PHACTR1: variants seen among roughly 807,000 people sequenced by gnomAD.
PHACTR1 encodes RPEL repeat containing 1.
In PHACTR1, 16 loss-of-function variants were observed where a neutral mutation model predicts 69.2. The ratio of observed to expected loss-of-function variants is 0.23; its 90% CI spans 0.16 to 0.35. PHACTR1 has a LOEUF of 0.35. Among genes scored for constraint, PHACTR1 ranks in the 10% least tolerant of loss-of-function variants. The pLI is 1.00. For synonymous variants in PHACTR1, 312 were observed against 284.5 expected (o/e 1.10, Z -0.97); for missense variants, 510 against 734.7 (o/e 0.69, Z 3.54).
At chr6:12,734,000 A>G (rs952484062) in intron 3 of PHACTR1, among the ~76,000 whole-genome samples, 5 of 152,234 alleles carry the variant, frequency 3.3e-5, no homozygotes, top group African/African-American at 1.2e-4. Flanking sequence ...ACTCAGTTCA[A>G]CATACAAAGC....
intron 7 of PHACTR1, among the ~76,000 whole-genome samples, chr6:13,185,973 C>T (rs973839146): frequency 2.6e-5 from 4 of 152,074 alleles, no homozygotes; most frequent in South Asian, 2.1e-4. Context: ...TTCTCAACTC[C>T]GAGTTCAGCT....
intron 5 of PHACTR1, among the ~76,000 whole-genome samples, chr6:13,111,777 G>A (rs964289891): frequency 1.3e-5 from 2 of 151,970 alleles, no homozygotes; most frequent in Admixed American, 1.3e-4. Context: ...TTCTTGCATG[G>A]TTTTTTTCTT....
At chr6:13,152,526 C>G (rs2113463091) in intron 5 of PHACTR1, among the ~76,000 whole-genome samples, 1 of 152,278 alleles carries the variant, frequency 6.6e-6, no homozygotes, top group Admixed American at 6.5e-5. Context: ...ACTACTGTCA[C>G]TGTTAGTAGA....
intron 11 of PHACTR1, among the ~76,000 whole-genome samples, chr6:13,277,279 G>T (rs1252903928): frequency 6.6e-6 from 1 of 151,642 alleles, no homozygotes; most frequent in Non-Finnish European, 1.5e-5. Context: ...ATATATTAAG[G>T]CAAGAGCTTT....
At chr6:12,762,963 C>T (rs192512183) in intron 4 of PHACTR1, among the ~76,000 whole-genome samples, 1 of 152,240 alleles carries the variant, frequency 6.6e-6, no homozygotes, top group African/African-American at 2.4e-5. Context: ...CCTGGAATCC[C>T]AGCACTTTGG....
At chr6:13,056,013 A>G (rs565051479) in intron 5 of PHACTR1, among the ~76,000 whole-genome samples, 1 of 152,304 alleles carries the variant, frequency 6.6e-6, no homozygotes, top group Non-Finnish European at 1.5e-5. Context: ...TTTCTTAGAG[A>G]CATTCCACTC....
intron 11 of PHACTR1, 81 bp downstream of exon 11, chr6:13,272,996 A>G: frequency 6.4e-7 from 1 of 1,566,688 alleles, no homozygotes; most frequent in Non-Finnish European, 8.7e-7. Context: ...CAAGGTTTCT[A>G]CCTTGCGCCT....
intron 13 of PHACTR1, among the ~76,000 whole-genome samples, chr6:13,284,539 A>AT (rs1781100943): frequency 3.9e-5 from 3 of 76,666 alleles, no homozygotes; most frequent in African/African-American, 2.1e-4. Flanking sequence ...AAAAAAAAAA[A>AT]AAAAATATAT....
intron 5 of PHACTR1, among the ~76,000 whole-genome samples, chr6:13,084,727 AGAAGAGGGGGTGGCGT>A (rs1397724915): frequency 6.6e-6 from 1 of 152,070 alleles, no homozygotes; most frequent in Non-Finnish European, 1.5e-5. Flanking sequence ...ACAATGTATA[AGAAGAGGGGGTGGCGT>A]GAATAATGAC....
At chr6:12,986,897 C>A (rs1362663066) in intron 4 of PHACTR1, among the ~76,000 whole-genome samples, 3 of 152,152 alleles carry the variant, frequency 2.0e-5, no homozygotes, top group Admixed American at 2.0e-4. Flanking sequence ...CTATGGTTTG[C>A]TAAGAAATGC....
At chr6:12,950,836 C>T (rs1023680672) in intron 4 of PHACTR1, among the ~76,000 whole-genome samples, 26 of 152,186 alleles carry the variant, frequency 1.7e-4, no homozygotes, top group African/African-American at 6.0e-4. Context: ...AATTCCATCC[C>T]AGGCCTCTTC....
chr6:12,887,229 C>T (rs1007017899), intron 4 of PHACTR1, among the ~76,000 whole-genome samples: 12 of 152,162 alleles, frequency 7.9e-5, no homozygotes, highest in Non-Finnish European at 1.6e-4. Context: ...TTCTTCTCCT[C>T]GGGGAATCCT....
rs1562037495 is a variant in PHACTR1 at position 13,231,113 on chromosome 6, GAAA to G, written c.1391+921_1391+923del. Among the ~76,000 whole-genome samples the G allele has an allele frequency of 1.4e-4, 15 of 104,954 alleles. 1 individual carries two copies. The highest frequency in any genetic ancestry group is 5.3e-4 in the African/African-American group (13 of 24,740). 68.9% of individuals were successfully genotyped at this position (104,954 alleles called of 152,430 possible). A position where few individuals can be genotyped will look rare whatever the true frequency, so the allele number is the denominator to read the frequency against. ...AAGGAAGGAAGGGAAAAGAAAGAAG[GAAA>G]GAGAGAAAGAAAGAAGGAAAGAGAA... On this transcript the variant is annotated intron_variant, in intron 10 of 14. Transcript: ENST00000332995.
chr6:13,143,324 G>A (rs752147618), intron 5 of PHACTR1, among the ~76,000 whole-genome samples: 14 of 152,202 alleles, frequency 9.2e-5, no homozygotes, highest in Non-Finnish European at 1.6e-4. Context: ...TGCTTGAGGT[G>A]ATAGATACCC....
chr6:13,015,311 GC>G (rs1800020735), intron 4 of PHACTR1, among the ~76,000 whole-genome samples: 1 of 152,142 alleles, frequency 6.6e-6, no homozygotes, highest in African/African-American at 2.4e-5. Context: ...ACACCACCAG[GC>G]ATCCAAGAGG....
intron 4 of PHACTR1, among the ~76,000 whole-genome samples, chr6:12,902,119 C>T (rs887793280): frequency 1.3e-5 from 2 of 152,126 alleles, no homozygotes; most frequent in East Asian, 3.9e-4. Context: ...GTCAGCAGAA[C>T]TGAGATTAAG....
intron 5 of PHACTR1, among the ~76,000 whole-genome samples, chr6:13,090,550 C>G (rs1297698184): frequency 6.6e-6 from 1 of 151,516 alleles, no homozygotes; most frequent in Non-Finnish European, 1.5e-5. Flanking sequence ...GTCTTGAACT[C>G]CTGACCTCTT....
intron 5 of PHACTR1, among the ~76,000 whole-genome samples, chr6:13,119,737 A>G (rs1818418994): frequency 6.6e-6 from 1 of 152,190 alleles, no homozygotes; most frequent in African/African-American, 2.4e-5. Flanking sequence ...AAGCTTTAGC[A>G]CCTGGGGTCT....
At chr6:12,761,350 C>T (rs1452096389) in intron 4 of PHACTR1, among the ~76,000 whole-genome samples, 1 of 152,184 alleles carries the variant, frequency 6.6e-6, no homozygotes, top group Non-Finnish European at 1.5e-5. Flanking sequence ...AGCCTAATAG[C>T]CCAGAAACAC....
Sources: gnomAD v4.1 joint callset for allele counts (sites outside exome capture counted in the v4.1 genomes callset) on GRCh38, gnomAD v4.1.1 for gene constraint, MANE v1.5 for transcripts, NCBI Gene and HGNC (gene_info 2026-07-23, HGNC 2026-07-21) for gene names.